The following PRX variants were observed in gnomAD, a reference collection of about 807,000 sequenced individuals.
PRX encodes periaxin.
Under a neutral mutation model 29.6 loss-of-function variants are expected in PRX, and 24 were observed. The ratio of observed to expected loss-of-function variants is 0.81; its 90% CI spans 0.59 to 1.14. PRX has a LOEUF of 1.14. Among genes scored for constraint, PRX ranks in the 50% most tolerant of loss-of-function variants. The pLI is 0.00. For synonymous variants in PRX, 772 were observed against 831.7 expected, an observed-to-expected ratio of 0.93 and a Z score of 1.24; for missense variants, 1,838 against 1,926.4, an observed-to-expected ratio of 0.95 and a Z score of 0.86.
chr19:40,394,505 G>A lies in PRX; in HGVS notation c.3847C>T (p.Pro1283Ser). 1 of 1,600,230 alleles carries A rather than the reference G, an allele frequency of 6.2e-7. No individual in the cohort carries two copies. Among genetic ancestry groups the A allele is most frequent in the Non-Finnish European group, 8.5e-7 (1 of 1,174,084 alleles). ...CLSLPDVELS[P>S]SGGNHAEYQV... ...TACTCGGCATGGTTGCCCCCGGATG[G>A]CGAGAGCTCCACGTCGGGCAGTGAG... Residue 1283 changes from proline (P) to serine (S), a missense_variant, in exon 7 of 7, where the codon CCA becomes TCA. Physicochemically the swap from Pro to Ser is moderately conservative, Grantham distance 74 (BLOSUM62 -1). This residue lies in a region of PRX where 1,143 missense variants were observed against 1,193.0 expected (regional missense o/e 0.96). Transcript: ENST00000324001. This position sits in a 1 kb window ranked among gnomAD's most constrained non-coding sequence, Gnocchi z 5.8.
chr19:40,401,253 C>T (rs2079492044), intron 5 of PRX, among the ~76,000 whole-genome samples: 1 of 152,090 alleles, frequency 6.6e-6, no homozygotes, highest in Admixed American at 6.6e-5. Context: ...TGTTGATCTC[C>T]CTGCTCCTAA....
In PRX at chr19:40,397,480, T is replaced by C; in HGVS notation, c.872A>G (p.Gln291Arg). The change falls in exon 7 of 7, where the codon CAG (glutamine) becomes CGG (arginine). Residue 291 changes from glutamine (Q) to arginine (R), a missense_variant. By Grantham distance (43) the Gln-to-Arg change is conservative. Around this residue, in one of 3 missense-constraint regions of PRX, gnomAD observed 666 missense variants for 665.0 expected, o/e 1.00. Coordinates refer to ENST00000324001, the MANE Select transcript of PRX (RefSeq NM_181882.3). ...GGCAGGCAGCTCCACCTGGGGGACC[T>C]GGATTCCCACGGCTGGGGCCTCCAC... ...PAVEAPAVGIQVPQVELPALP... is the reference protein window; with the variant it reads ...PAVEAPAVGIRVPQVELPALP... 1 of 1,568,110 alleles carries C rather than the reference T, an allele frequency of 6.4e-7. No individual in the cohort carries two copies. Among genetic ancestry groups the C allele is most frequent in the Non-Finnish European group, 8.6e-7 (1 of 1,158,712 alleles).
chr19:40,395,268 G>T lies in PRX; in HGVS notation c.3084C>A (p.Val1028=). The T allele has an allele frequency of 6.2e-7, 1 of 1,613,852 alleles. No individual in the cohort carries two copies. Among genetic ancestry groups the T allele is most frequent in the Non-Finnish European group, 8.5e-7 (1 of 1,180,014 alleles). The change falls in exon 7 of 7, where the codon GTC becomes GTA. Residue 1028 remains valine (V), a synonymous_variant. Transcript: ENST00000324001. Reference sequence around the variant, plus strand: ...CTGCTGCCTCAGTGTCCCGGCCTCTGACCCCAAACTTGGGGAGAGCAAACC... The same window carrying T: ...CTGCTGCCTCAGTGTCCCGGCCTCTTACCCCAAACTTGGGGAGAGCAAACC... ...GPRFALPKFG[V]RGRDTEAAEL... is the part of the protein sequence containing the mutation.
In PRX at chr19:40,408,229, T is replaced by C; in HGVS notation, c.-171A>G. ...GGTGCCGCACAGCTGTCTGCAGGGC[T>C]CACGCCCTTCCGTGGGGTTCTTGCT... On this transcript the variant is annotated 5_prime_UTR_variant, in exon 3 of 7. Coordinates refer to ENST00000324001, the MANE Select transcript of PRX (RefSeq NM_181882.3). 1.8e-6 allele frequency: 1 copy of C among 549,344 alleles called. No homozygotes were observed. The highest frequency in any genetic ancestry group is 2.2e-5 in the South Asian group (1 of 46,180). 34.0% of individuals were successfully genotyped at this position (549,344 alleles called of 1,614,324 possible).
At chr19:40,407,528 T>A (rs780883475) in intron 4 of PRX, 10 of 363,836 alleles carry the variant, frequency 2.7e-5, no homozygotes, top group Non-Finnish European at 5.2e-5. Flanking sequence ...CTCAAACTCC[T>A]AGGCTTTAGC....
rs1383080904 is a variant in PRX at position 40,403,674 on chromosome 19, T to A, written c.184+32A>T. 7.2e-6 allele frequency: 11 copies of A among 1,529,228 alleles called. No individual in the cohort carries two copies. In the South Asian group the frequency reaches 1.3e-4, roughly 18 times the overall value. 94.7% of individuals were successfully genotyped at this position (1,529,228 alleles called of 1,614,324 possible). A position where few individuals can be genotyped will look rare whatever the true frequency, so the allele number is the denominator to read the frequency against. On this transcript the variant is annotated intron_variant, in intron 5 of 6. Transcript: ENST00000324001. ...AGATTCCTAACCCCGCCCCCGCAGTTCGACCCCGCCCCACACCCCGGGCCC... is the reference window on the plus strand; with the variant it reads ...AGATTCCTAACCCCGCCCCCGCAGTACGACCCCGCCCCACACCCCGGGCCC...
chr19:40,396,248 G>A lies in PRX; in HGVS notation c.2104C>T (p.Pro702Ser). The change falls in exon 7 of 7, where the codon CCC (proline) becomes TCC (serine). Residue 702 changes from proline (P) to serine (S), a missense_variant. By Grantham distance (74) the Pro-to-Ser change is moderately conservative. Coordinates refer to ENST00000324001, the MANE Select transcript of PRX (RefSeq NM_181882.3). ...TGCACCTCTGGGAGGTGCACATCGG[G>A]CACGGCCATTTCAGGCACCTTGGGG... ...KLPKVPEMAV[P>S]DVHLPEVQLP... is the part of the protein sequence containing the mutation. 6.2e-7 allele frequency: 1 copy of A among 1,613,606 alleles called. No individual in the cohort carries two copies. The highest frequency in any genetic ancestry group is 2.2e-5 in the East Asian group (1 of 44,752).
At chr19:40,404,719 C>T (rs1280940437) in intron 4 of PRX, among the ~76,000 whole-genome samples, 3 of 151,826 alleles carry the variant, frequency 2.0e-5, no homozygotes, top group East Asian at 1.9e-4. Context: ...CATAGGCACG[C>T]GCCACCACGC....
chr19:40,397,473 G>T lies in PRX; in HGVS notation c.879C>A (p.Pro293=). 1 of 1,572,946 alleles carries T rather than the reference G, an allele frequency of 6.4e-7. No homozygotes were observed. Residue 293 remains proline (P), a synonymous_variant, in exon 7 of 7, where the codon CCC becomes CCA. Coordinates refer to ENST00000324001, the MANE Select transcript of PRX (RefSeq NM_181882.3). ...VEAPAVGIQV[P]QVELPALPSL... ...AGGGCAAGGCAGGCAGCTCCACCTG[G>T]GGGACCTGGATTCCCACGGCTGGGG...
chr19:40,402,543 G>A (rs976657253), intron 5 of PRX, among the ~76,000 whole-genome samples: 27 of 150,930 alleles, frequency 1.8e-4, no homozygotes, highest in South Asian at 4.2e-4. Context: ...AGGCCGAGGC[G>A]GGCAGATCAC....
In PRX at chr19:40,397,933, A is replaced by ATCT. The variant is rs778666575; in HGVS notation, c.416_418dup (p.Lys139dup). Reference sequence around the variant, plus strand: ...GGGGACCCCCAGAGCCCCAGGCACCATCTTCTTCTTCTTCACAGGGGACAG... The same window carrying ATCT: ...GGGGACCCCCAGAGCCCCAGGCACCATCTTCTTCTTCTTCTTCACAGGGGACAG... On this transcript the variant is annotated inframe_insertion, in exon 7 of 7. Transcript: ENST00000324001. The ATCT allele has an allele frequency of 3.1e-6, 5 of 1,612,622 alleles. No homozygotes were observed. Among genetic ancestry groups the ATCT allele is most frequent in the East Asian group, 4.5e-5 (2 of 44,864 alleles).
Position 40,403,718 on chromosome 19 carries a change from T to G in PRX, c.172A>C (p.Ser58Arg), listed in dbSNP as rs867591802. 6.4e-7 allele frequency: 1 copy of G among 1,559,842 alleles called. No homozygotes were observed. Among genetic ancestry groups the G allele is most frequent in the Non-Finnish European group, 8.7e-7 (1 of 1,152,864 alleles). ...REDSPAARSL[S>R]LQEGDQLLSA... is the part of the protein sequence containing the mutation. ...CGGGCCCGCCCACCTTCCTGCAGGC[T>G]GAGGCTCCTGGCGGCGGGTGAGTCC... The change falls in exon 5 of 7, where the codon AGC becomes CGC. Residue 58 changes from serine (S) to arginine (R), a missense_variant. By Grantham distance (110) the Ser-to-Arg change is moderately radical. This residue lies in a region of PRX where 666 missense variants were observed against 665.0 expected (regional missense o/e 1.00). Transcript: ENST00000324001.
chr19:40,408,587 C>G (rs977465558), intron 1 of PRX, among the ~76,000 whole-genome samples: 1 of 152,176 alleles, frequency 6.6e-6, no homozygotes. Flanking sequence ...GGCAGCAGAG[C>G]CCCCGTGCCA....
chr19:40,397,451 G>A lies in PRX; in HGVS notation c.901C>T (p.Pro301Ser), dbSNP rs1453242996. 11 of 1,588,786 alleles carry A rather than the reference G, an allele frequency of 6.9e-6. No homozygotes were observed. Among genetic ancestry groups the A allele is most frequent in the Non-Finnish European group, 9.4e-6 (11 of 1,169,058 alleles). The change falls in exon 7 of 7, where the codon CCC becomes TCC. Residue 301 changes from proline (P) to serine (S), a missense_variant. Physicochemically the swap from Pro to Ser is moderately conservative, Grantham distance 74. Around this residue, in one of 3 missense-constraint regions of PRX, gnomAD observed 666 missense variants for 665.0 expected, o/e 1.00. Transcript: ENST00000324001. ...AGTGTGGGCAGAGTGGGCAGTGAGGGCAAGGCAGGCAGCTCCACCTGGGGG... is the reference window on the plus strand; with the variant it reads ...AGTGTGGGCAGAGTGGGCAGTGAGGACAAGGCAGGCAGCTCCACCTGGGGG... Reference protein sequence around the residue: ...QVPQVELPALPSLPTLPTLPC... With the variant: ...QVPQVELPALSSLPTLPTLPC...
At chr19:40,401,912 C>T (rs1268237425) in intron 5 of PRX, among the ~76,000 whole-genome samples, 1 of 152,062 alleles carries the variant, frequency 6.6e-6, no homozygotes, top group Non-Finnish European at 1.5e-5. Context: ...TACCACCACA[C>T]CCGGCTAATT....
At chr19:40,402,898 G>A (rs1239140468) in intron 5 of PRX, among the ~76,000 whole-genome samples, 7 of 152,172 alleles carry the variant, frequency 4.6e-5, no homozygotes, top group East Asian at 3.9e-4. Flanking sequence ...GGTGGGGCAC[G>A]GTGGCTCACG....
chr19:40,407,504 T>C (rs979173317), intron 4 of PRX: 2 of 285,710 alleles, frequency 7.0e-6, no homozygotes, highest in African/African-American at 4.4e-5. Flanking sequence ...TCTTCCTATG[T>C]TGCCCAGGCT....
Position 40,408,046 on chromosome 19 carries a change from C to G in PRX, c.-99-15G>C. ...TGCCTCTGAGCCTGTGGGAGGACAG[C>G]AGTGGAGGCTTGAGGCCAGTAGGGG... On this transcript the variant is annotated splice_polypyrimidine_tract_variant and intron_variant, in intron 3 of 6. Coordinates refer to ENST00000324001, the MANE Select transcript of PRX (RefSeq NM_181882.3). 1 of 1,439,364 alleles carries G rather than the reference C, an allele frequency of 6.9e-7. No homozygotes were observed. Among genetic ancestry groups the G allele is most frequent in the Non-Finnish European group, 9.6e-7 (1 of 1,041,526 alleles). The allele number at this position is 1,439,364 out of a possible 1,614,324, so 89.2% of individuals were successfully genotyped here.
At position 40,398,944 on chromosome 19, in the gene PRX, C is replaced by T. The variant is rs1451380833; in HGVS notation, c.185-128G>A. ...AAATTTTAGTTTCTCCAATCCCCAG[C>T]GCAGGATTAAGTCGCAGTTACGCTA... On this transcript the variant is annotated intron_variant, in intron 5 of 6. Coordinates refer to ENST00000324001, the MANE Select transcript of PRX (RefSeq NM_181882.3). The surrounding 1 kb of genome is among the most constrained non-coding windows in gnomAD (Gnocchi z 6.3). 4.6e-6 allele frequency: 7 copies of T among 1,524,254 alleles called. No homozygotes were observed. The South Asian group carries it at 6.1e-5, about 13-fold the overall frequency. The allele number at this position is 1,524,254 out of a possible 1,614,324, so 94.4% of individuals were successfully genotyped here.
Sources: gnomAD v4.1 joint callset for allele counts (sites outside exome capture counted in the v4.1 genomes callset) on GRCh38, gnomAD v4.1.1 for gene constraint, gnomAD v4.1.1 regional missense constraint, Gnocchi (gnomAD v3.1) non-coding constraint, MANE v1.5 for transcripts, NCBI Gene and HGNC (gene_info 2026-07-23, HGNC 2026-07-21) for gene names.